The following ZSCAN23 variants were observed in gnomAD, a reference collection of about 807,000 sequenced individuals.
The protein encoded by ZSCAN23 is zinc finger and SCAN domain containing 23.
In ZSCAN23, 19 loss-of-function variants were observed where a neutral mutation model predicts 19.3. The ratio of observed to expected loss-of-function variants is 0.99; its 90% CI spans 0.69 to 1.45. ZSCAN23 has a LOEUF of 1.45. ZSCAN23 is among the 40% of genes most tolerant of loss of function. The pLI, the probability that ZSCAN23 is intolerant of heterozygous loss-of-function variation, is 0.00. For missense variants in ZSCAN23, 372 were observed against 462.5 expected, an observed-to-expected ratio of 0.80 and a Z score of 1.79; for synonymous variants, 140 against 166.2, an observed-to-expected ratio of 0.84 and a Z score of 1.21.
the ZSCAN23 span, among the ~76,000 whole-genome samples, chr6:28,422,186 A>G: frequency 6.6e-6 from 1 of 152,082 alleles, no homozygotes; most frequent in Non-Finnish European, 1.5e-5. The surrounding 1 kb of genome is among the most constrained non-coding windows in gnomAD (Gnocchi z 4.0). Context: ...AAGTAGTACA[A>G]TTGTACTTTT....
At position 28,435,461 on chromosome 6, in the gene ZSCAN23, A is replaced by G. The variant is rs1291421276; in HGVS notation, c.555T>C (p.Ile185=). Residue 185 remains isoleucine (I), a splice_region_variant and synonymous_variant, in exon 3 of 4, where the codon ATT becomes ATC. Coordinates refer to ENST00000289788, the MANE Select transcript of ZSCAN23 (RefSeq NM_001012455.2). ...NLREVCPVQE[I]DGKAGTWNVE... The stretch of plus-strand genomic sequence containing the variant: ...GTCTGAGGAAATCCTGATCCTCACC[A>G]ATCTCTTGAACTGGGCACACCTCTC... 5.8e-6 allele frequency: 9 copies of G among 1,550,566 alleles called. No homozygotes were observed. Among genetic ancestry groups the G allele is most frequent in the Non-Finnish European group, 7.8e-6 (9 of 1,146,714 alleles).
rs752761937 is a variant in ZSCAN23, at chr6:28,433,593, T to C, written c.*872A>G. The C allele has an allele frequency of 2.7e-3, 52 of 19,492 alleles. No homozygotes were observed. The highest frequency in any genetic ancestry group is 5.5e-3 in the East Asian group (3 of 548). 1.2% of individuals were successfully genotyped at this position (19,492 alleles called of 1,614,324 possible). On this transcript the variant is annotated 3_prime_UTR_variant, in exon 4 of 4. Coordinates refer to ENST00000289788, the MANE Select transcript of ZSCAN23 (RefSeq NM_001012455.2). Reference sequence around the variant, plus strand: ...TATTTATGATCTTGGTGGTAATCAATAGTAAATGCTGAGAAAATGTGGAGG... The same window carrying C: ...TATTTATGATCTTGGTGGTAATCAACAGTAAATGCTGAGAAAATGTGGAGG...
chr6:28,423,879 T>A, the ZSCAN23 span, among the ~76,000 whole-genome samples: 2 of 152,018 alleles, frequency 1.3e-5, no homozygotes, highest in Non-Finnish European at 2.9e-5. Flanking sequence ...AAAAAAAAAA[T>A]TTCTGTGAAA....
intron 1 of ZSCAN23, among the ~76,000 whole-genome samples, chr6:28,442,360 A>C (rs556668631): frequency 6.7e-4 from 102 of 152,356 alleles, no homozygotes; most frequent in African/African-American, 2.4e-3. Context: ...TCTTTTAATA[A>C]GATAATGTAC....
intron 1 of ZSCAN23, among the ~76,000 whole-genome samples, chr6:28,437,402 T>C (rs1001137156): frequency 1.3e-5 from 2 of 152,228 alleles, no homozygotes; most frequent in South Asian, 2.1e-4. Flanking sequence ...GCCAACATGA[T>C]GAAACCCCGT....
At chr6:28,423,354 A>G in the ZSCAN23 span, among the ~76,000 whole-genome samples, 1 of 152,230 alleles carries the variant, frequency 6.6e-6, no homozygotes, top group Non-Finnish European at 1.5e-5. Flanking sequence ...TCTGGAGATA[A>G]TATCTGCTAT....
intron 1 of ZSCAN23, among the ~76,000 whole-genome samples, chr6:28,437,393 C>A (rs1761914804): frequency 6.6e-6 from 1 of 152,058 alleles, no homozygotes; most frequent in Non-Finnish European, 1.5e-5. Flanking sequence ...AATAGCCTGG[C>A]CAACATGATG....
At position 28,433,031 on chromosome 6, in the gene ZSCAN23, T is replaced by G. The variant is rs993747831; in HGVS notation, c.*1434A>C. 6.6e-6 allele frequency: 1 copy of G among 152,078 alleles called. No individual in the cohort carries two copies. The highest frequency in any genetic ancestry group is 1.5e-5 in the Non-Finnish European group (1 of 67,964). The allele number at this position is 152,078 out of a possible 1,614,324, so 9.4% of individuals were successfully genotyped here. ...TTTTAAAAAAGTCCTACTGAGTAAA[T>G]TAAATTTTAAAAGCTAAAAATAATA... On this transcript the variant is annotated 3_prime_UTR_variant, in exon 4 of 4. Coordinates refer to ENST00000289788, the MANE Select transcript of ZSCAN23 (RefSeq NM_001012455.2).
the ZSCAN23 span, among the ~76,000 whole-genome samples, chr6:28,423,834 T>G: frequency 6.6e-6 from 1 of 151,870 alleles, no homozygotes; most frequent in Non-Finnish European, 1.5e-5. Context: ...ATTTACTGAG[T>G]GAATGGCTGT....
At chr6:28,426,938 C>T (rs1761668941), downstream of ZSCAN23, among the ~76,000 whole-genome samples, 1 of 152,202 alleles carries the variant, frequency 6.6e-6, no homozygotes, top group Non-Finnish European at 1.5e-5. Context: ...AGATTACAGG[C>T]ATGTGCCACC....
At chr6:28,436,809 C>T (rs1161748960) in intron 1 of ZSCAN23, among the ~76,000 whole-genome samples, 1 of 151,958 alleles carries the variant, frequency 6.6e-6, no homozygotes, top group Non-Finnish European at 1.5e-5. Flanking sequence ...AGGCAGAGTC[C>T]CTCCAGCCAT....
rs559807082 is a variant in ZSCAN23 at position 28,437,924 on chromosome 6, G to A, written c.-77-1581C>T. ...ATTAAAAGACAAAACAAAAAAGCCT[G>A]GGAACAGATTTTGTGGGTTATAAAA... is the stretch of plus-strand genomic sequence containing the variant. On this transcript the variant is annotated intron_variant, in intron 1 of 3. Transcript: ENST00000289788. 3.8e-4 allele frequency among the ~76,000 whole-genome samples: 58 copies of A among 151,960 alleles called. 1 individual carries two copies. The highest frequency in any genetic ancestry group is 3.5e-3 in the Admixed American group (53 of 15,276).
chr6:28,428,866 A>C (rs1265432876), downstream of ZSCAN23, among the ~76,000 whole-genome samples: 1 of 152,136 alleles, frequency 6.6e-6, no homozygotes. Flanking sequence ...TGTGCATACA[A>C]ATTTTCTTTA....
chr6:28,442,746 C>T (rs1463027550), intron 1 of ZSCAN23, among the ~76,000 whole-genome samples: 2 of 152,188 alleles, frequency 1.3e-5, no homozygotes, highest in Non-Finnish European at 2.9e-5. Context: ...GCCTACACCC[C>T]TTACTCGCTC....
chr6:28,430,113 C>CCTG (rs1055281425), downstream of ZSCAN23, among the ~76,000 whole-genome samples: 4 of 152,204 alleles, frequency 2.6e-5, no homozygotes, highest in African/African-American at 4.8e-5. Context: ...CTCTCTCTCC[C>CCTG]CTGCTGAAGA....
chr6:28,437,393 C>T (rs1761914804), intron 1 of ZSCAN23, among the ~76,000 whole-genome samples: 1 of 152,058 alleles, frequency 6.6e-6, no homozygotes, highest in Admixed American at 6.5e-5. Flanking sequence ...AATAGCCTGG[C>T]CAACATGATG....
chr6:28,441,400 A>T (rs1216971838), intron 1 of ZSCAN23, among the ~76,000 whole-genome samples: 1 of 152,096 alleles, frequency 6.6e-6, no homozygotes, highest in Non-Finnish European at 1.5e-5. Context: ...TTTTCTTCTC[A>T]TTATTCTAAT....
In ZSCAN23 at chr6:28,435,506, C is replaced by T; in HGVS notation, c.510G>A (p.Glu170=). ...SSNDQFQTLE[E]QLGYNLREVC... ...CCTCTCGCAAATTATACCCAAGTTG[C>T]TCTTCCAAGGTTTGGAATTGGTCAT... is the stretch of plus-strand genomic sequence containing the variant. The change falls in exon 3 of 4, where the codon GAG becomes GAA. Residue 170 remains glutamate (E), a synonymous_variant. Transcript: ENST00000289788. The T allele has an allele frequency of 6.4e-7, 1 of 1,551,922 alleles. No homozygotes were observed. The highest frequency in any genetic ancestry group is 1.2e-5 in the South Asian group (1 of 84,066).
At chr6:28,426,854 A>T in the ZSCAN23 span, among the ~76,000 whole-genome samples, 9,971 of 152,330 alleles carry the variant, frequency 0.065, 386 homozygotes, top group East Asian at 0.11. Context: ...CTCATTGCCC[A>T]GGCTGGAATG....
Sources: allele counts gnomAD v4.1 joint callset (sites outside exome capture counted in the v4.1 genomes callset), GRCh38; gene constraint gnomAD v4.1.1; non-coding constraint Gnocchi (gnomAD v3.1); transcripts MANE v1.5; gene names NCBI Gene and HGNC (gene_info 2026-07-23, HGNC 2026-07-21).